The following SCAI variants were observed in gnomAD, a reference collection of about 807,000 sequenced individuals.
SCAI encodes the protein protein SCAI.
SCAI carries 24 observed loss-of-function variants against 92.2 expected under a neutral mutation model. The ratio of observed to expected loss-of-function variants is 0.26; its 90% CI spans 0.19 to 0.37. The LOEUF (loss-of-function observed/expected upper bound fraction) is 0.37, where lower values mean the gene tolerates loss of function less well. SCAI is among the 10% of genes least tolerant of loss of function. The pLI is 1.00. For missense variants in SCAI, 450 were observed against 736.2 expected (o/e 0.61, Z 4.50); for synonymous variants, 261 against 258.6 (o/e 1.01, Z -0.09).
chr9:125,114,704 C>T (rs1231934498), intron 2 of SCAI, among the ~76,000 whole-genome samples: 2 of 149,718 alleles, frequency 1.3e-5, no homozygotes, highest in African/African-American at 2.5e-5. Context: ...CTCCTTGGCT[C>T]AAACGATCCT....
chr9:125,006,387 A>C (rs958240678), intron 9 of SCAI, among the ~76,000 whole-genome samples: 1 of 152,242 alleles, frequency 6.6e-6, no homozygotes, highest in African/African-American at 2.4e-5. Context: ...CGGTCTCTTA[A>C]AAGAAAAAAA....
intron 2 of SCAI, among the ~76,000 whole-genome samples, chr9:125,110,298 T>C (rs1276658824): frequency 6.6e-6 from 1 of 152,198 alleles, no homozygotes; most frequent in Non-Finnish European, 1.5e-5. Context: ...GTTAGAGAAG[T>C]AGATCTGTAA....
At chr9:125,131,471 G>C (rs144430667) in intron 2 of SCAI, among the ~76,000 whole-genome samples, 1 of 151,738 alleles carries the variant, frequency 6.6e-6, no homozygotes, top group East Asian at 1.9e-4. Context: ...TAGCGCCTGA[G>C]GCTAGGCTTG....
intron 2 of SCAI, among the ~76,000 whole-genome samples, chr9:125,092,553 T>C (rs995205040): frequency 6.6e-6 from 1 of 151,450 alleles, no homozygotes; most frequent in Admixed American, 6.6e-5. Context: ...GCCACACATA[T>C]TATTCTGTCT....
intron 12 of SCAI, among the ~76,000 whole-genome samples, chr9:125,001,106 A>G (rs771087809): frequency 2.6e-5 from 4 of 152,212 alleles, no homozygotes; most frequent in Admixed American, 6.5e-5. Context: ...AAGATTTTAC[A>G]TTACTTTTAA....
At chr9:124,957,724 C>T (rs1049735424) in intron 17 of SCAI, among the ~76,000 whole-genome samples, 1 of 150,918 alleles carries the variant, frequency 6.6e-6, no homozygotes, top group Admixed American at 6.6e-5. Context: ...CTCTGTTGCC[C>T]AGGCCGGAGT....
intron 2 of SCAI, among the ~76,000 whole-genome samples, chr9:125,108,330 C>G (rs2131226107): frequency 6.6e-6 from 1 of 152,032 alleles, no homozygotes; most frequent in South Asian, 2.1e-4. Flanking sequence ...GCCCAGCTGC[C>G]CAGTCTGGGA....
chr9:125,092,591 T>C (rs959661425), intron 2 of SCAI, among the ~76,000 whole-genome samples: 3 of 152,170 alleles, frequency 2.0e-5, no homozygotes, highest in Admixed American at 6.5e-5. Flanking sequence ...TTGAACTATG[T>C]TACTATCTAA....
chr9:125,107,972 C>T (rs963526758), intron 2 of SCAI, among the ~76,000 whole-genome samples: 12 of 152,206 alleles, frequency 7.9e-5, no homozygotes, highest in Non-Finnish European at 1.3e-4. Context: ...CCTGCGATTG[C>T]AGGCGCGCGC....
chr9:125,044,709 C>A (rs565504466), intron 3 of SCAI, among the ~76,000 whole-genome samples: 1 of 152,290 alleles, frequency 6.6e-6, no homozygotes, highest in South Asian at 2.1e-4. Flanking sequence ...TTGCTCGCCA[C>A]GTTGTAGGCA....
chr9:125,009,995 C>T (rs757494910), intron 9 of SCAI, among the ~76,000 whole-genome samples: 1 of 152,168 alleles, frequency 6.6e-6, no homozygotes, highest in Admixed American at 6.5e-5. Context: ...GAGACCAAGA[C>T]CATTCTGGTT....
intron 2 of SCAI, among the ~76,000 whole-genome samples, chr9:125,111,333 T>A (rs900085994): frequency 3.3e-5 from 5 of 152,168 alleles, no homozygotes; most frequent in Non-Finnish European, 7.3e-5. Flanking sequence ...CCATTCAGAA[T>A]TTTTTAAAAA....
chr9:125,035,187 C>G (rs184856248), intron 3 of SCAI, among the ~76,000 whole-genome samples: 4 of 152,036 alleles, frequency 2.6e-5, no homozygotes, highest in African/African-American at 4.8e-5. Context: ...AGATCCCTGT[C>G]TCTAGCAAAA....
chr9:124,966,834 A>C (rs936166355), intron 17 of SCAI, among the ~76,000 whole-genome samples: 4 of 151,204 alleles, frequency 2.6e-5, no homozygotes, highest in African/African-American at 9.7e-5. Context: ...GCTGATCTCC[A>C]ATTCCTGGCT....
intron 17 of SCAI, among the ~76,000 whole-genome samples, chr9:124,956,308 T>C (rs1831314171): frequency 6.6e-6 from 1 of 152,210 alleles, no homozygotes; most frequent in Non-Finnish European, 1.5e-5. Context: ...AACTTCCGCC[T>C]GCTGGGTTCA....
chr9:124,953,749 A>G (rs907107348), intron 17 of SCAI, among the ~76,000 whole-genome samples: 3 of 152,036 alleles, frequency 2.0e-5, no homozygotes, highest in Non-Finnish European at 4.4e-5. Flanking sequence ...TCTATAAACT[A>G]TAATCCTGCC....
rs1554794304 is a variant in SCAI, at chr9:125,126,590, G to GTGTGAA, written c.98+16042_98+16043insTTCACA. ...TGGGTGTGTGTGTGTGTGTGTGTGT[G>GTGTGAA]AGAGAGAGAGAGAGAACACACATGC... On this transcript the variant is annotated intron_variant, in intron 2 of 17. Transcript: ENST00000336505. 4.3e-3 allele frequency among the ~76,000 whole-genome samples: 237 copies of GTGTGAA among 55,618 alleles called. 1 individual carries two copies. Among genetic ancestry groups the GTGTGAA allele is most frequent in the African/African-American group, 0.013 (225 of 16,952 alleles). The allele number at this position is 55,618 out of a possible 152,430, so 36.5% of individuals were successfully genotyped here.
chr9:124,970,610 C>CTACTTGGGAGTCTGAGCCA (rs1322056605), intron 17 of SCAI, among the ~76,000 whole-genome samples: 7 of 151,848 alleles, frequency 4.6e-5, no homozygotes, highest in Non-Finnish European at 8.8e-5. Context: ...ATCCCAGCTA[C>CTACTTGGGAGTCTGAGCCA]TACTTGGGAG....
At chr9:124,996,872 C>T (rs560430580) in intron 13 of SCAI, among the ~76,000 whole-genome samples, 3 of 151,910 alleles carry the variant, frequency 2.0e-5, no homozygotes, top group South Asian at 2.1e-4. Flanking sequence ...TCAAGTGATC[C>T]GCCCACTTCG....
Sources: allele counts gnomAD v4.1 joint callset (sites outside exome capture counted in the v4.1 genomes callset), GRCh38; gene constraint gnomAD v4.1.1; transcripts MANE v1.5; gene names NCBI Gene and HGNC (gene_info 2026-07-23, HGNC 2026-07-21).